CPNE4: variants seen among roughly 807,000 people sequenced by gnomAD.
CPNE4 encodes the protein copine 4, also known as copine-4.
In CPNE4, 25 loss-of-function variants were observed where a neutral mutation model predicts 67.9. The observed-to-expected ratio is 0.37, with a 90% CI of 0.27 to 0.51. The LOEUF is 0.51. Among genes scored for constraint, CPNE4 ranks in the 20% least tolerant of loss-of-function variants. CPNE4 has a pLI of 0.93. For synonymous variants in CPNE4, 242 were observed against 244.9 expected (o/e 0.99, Z 0.11); for missense variants, 464 against 690.8 (o/e 0.67, Z 3.68).
chr3:131,891,045 G>T (rs1560547773), intron 2 of CPNE4, among the ~76,000 whole-genome samples: 1 of 152,078 alleles, frequency 6.6e-6, no homozygotes, highest in Non-Finnish European at 1.5e-5. Flanking sequence ...ATAAGGTATT[G>T]TGTACTTAAA....
chr3:131,878,481 A>G (rs1415773928), intron 2 of CPNE4, among the ~76,000 whole-genome samples: 1 of 152,206 alleles, frequency 6.6e-6, no homozygotes, highest in Non-Finnish European at 1.5e-5. Flanking sequence ...GGGGCAGTAA[A>G]CAGAAGAGGC....
At chr3:131,659,570 C>T (rs1349438451) in intron 7 of CPNE4, among the ~76,000 whole-genome samples, 1 of 152,154 alleles carries the variant, frequency 6.6e-6, no homozygotes, top group Non-Finnish European at 1.5e-5. Context: ...TAGTTTTAGA[C>T]TTGCAAAGTG....
chr3:131,870,988 G>A (rs1311480317), intron 2 of CPNE4, among the ~76,000 whole-genome samples: 2 of 152,140 alleles, frequency 1.3e-5, no homozygotes, highest in African/African-American at 2.4e-5. Context: ...GTGATAAGGG[G>A]TGGGGAAAGA....
chr3:131,708,997 C>CATACACACATA (rs2081492789), intron 3 of CPNE4, among the ~76,000 whole-genome samples: 1 of 39,628 alleles, frequency 2.5e-5, no homozygotes, highest in Non-Finnish European at 5.3e-5. Context: ...TATATATATA[C>CATACACACATA]ATACACACAT....
intron 7 of CPNE4, among the ~76,000 whole-genome samples, chr3:131,623,445 G>T (rs1211971112): frequency 1.3e-5 from 2 of 152,078 alleles, no homozygotes; most frequent in African/African-American, 4.8e-5. Flanking sequence ...CCTCTTGCTG[G>T]GCTAGGAGCT....
chr3:131,702,307 CACTGT>C (rs2081320551), intron 3 of CPNE4, among the ~76,000 whole-genome samples: 1 of 152,158 alleles, frequency 6.6e-6, no homozygotes, highest in African/African-American at 2.4e-5. Context: ...ATTTGGCCCC[CACTGT>C]ATGCTAGACT....
At chr3:131,677,638 TC>T (rs1263934384) in intron 6 of CPNE4, among the ~76,000 whole-genome samples, 9 of 152,164 alleles carry the variant, frequency 5.9e-5, no homozygotes, top group African/African-American at 1.7e-4. Flanking sequence ...CCAGTTTCAA[TC>T]TTCTGCATAT....
chr3:131,734,724 G>A (rs2082198187), intron 2 of CPNE4, among the ~76,000 whole-genome samples: 1 of 151,912 alleles, frequency 6.6e-6, no homozygotes, highest in African/African-American at 2.4e-5. Flanking sequence ...GTCTCTACTA[G>A]AAACACAATA....
intron 5 of CPNE4, among the ~76,000 whole-genome samples, chr3:131,689,929 G>A (rs937579011): frequency 6.6e-6 from 1 of 151,672 alleles, no homozygotes; most frequent in Non-Finnish European, 1.5e-5. Context: ...CATCAAGAAC[G>A]ACCCCATTTA....
intron 1 of CPNE4, among the ~76,000 whole-genome samples, chr3:131,919,893 A>T (rs957802907): frequency 2.6e-5 from 4 of 152,222 alleles, no homozygotes; most frequent in African/African-American, 9.6e-5. Flanking sequence ...ACAAAATTTA[A>T]TTAAAAGAAA....
intron 7 of CPNE4, among the ~76,000 whole-genome samples, chr3:131,611,860 C>A (rs1025615711): frequency 6.6e-6 from 1 of 152,048 alleles, no homozygotes; most frequent in African/African-American, 2.4e-5. Context: ...TAAACTTCAC[C>A]ATGAGCAAGG....
rs759688830 is a variant in CPNE4, at chr3:131,685,918, C to T, written c.548G>A (p.Arg183His). 6.2e-6 allele frequency: 10 copies of T among 1,613,062 alleles called. No homozygotes were observed. The highest frequency in any genetic ancestry group is 3.3e-5 in the Admixed American group (2 of 59,958). Residue 183 changes from arginine (R) to histidine (H), a missense_variant, in exon 6 of 16, where the codon CGT becomes CAT. Arg to His is a conservative substitution (Grantham distance 29). Coordinates refer to ENST00000429747, the MANE Select transcript of CPNE4 (RefSeq NM_130808.3). ...SKSDPFLEIFRMNDDATQQLV... is the reference protein window; with the variant it reads ...SKSDPFLEIFHMNDDATQQLV... ...CTGCTGAGTTGCATCATCATTCATA[C>T]GAAAAATTTCCAGAAATGGGTCAGA...
At chr3:131,755,264 A>C (rs1456074338) in intron 2 of CPNE4, among the ~76,000 whole-genome samples, 1 of 151,784 alleles carries the variant, frequency 6.6e-6, no homozygotes, top group Non-Finnish European at 1.5e-5. Context: ...CTGTGAGTAC[A>C]TAATCTGCTA....
chr3:131,891,393 C>T (rs942145001), intron 2 of CPNE4, among the ~76,000 whole-genome samples: 1 of 151,654 alleles, frequency 6.6e-6, no homozygotes. Context: ...CAGGTGTATA[C>T]ATTAATCAAA....
chr3:131,639,128 C>A (rs2079472456), intron 7 of CPNE4, among the ~76,000 whole-genome samples: 1 of 151,926 alleles, frequency 6.6e-6, no homozygotes, highest in South Asian at 2.1e-4. Flanking sequence ...CAATCGAAAT[C>A]CAAACCCAGC....
At chr3:131,659,731 A>T (rs1218429293) in intron 7 of CPNE4, among the ~76,000 whole-genome samples, 1 of 152,144 alleles carries the variant, frequency 6.6e-6, no homozygotes, top group Non-Finnish European at 1.5e-5. Flanking sequence ...GAAGGACTGT[A>T]CCCTTTGCAT....
At chr3:131,733,451 G>A (rs2082170566) in intron 2 of CPNE4, among the ~76,000 whole-genome samples, 1 of 152,188 alleles carries the variant, frequency 6.6e-6, no homozygotes, top group African/African-American at 2.4e-5. Flanking sequence ...AAATCAAAAT[G>A]TTCCAGGCCA....
At chr3:131,868,132 G>A (rs2087037061) in intron 2 of CPNE4, among the ~76,000 whole-genome samples, 1 of 152,142 alleles carries the variant, frequency 6.6e-6, no homozygotes, top group African/African-American at 2.4e-5. Flanking sequence ...TTCAGATGAT[G>A]GAGGTAGCAA....
chr3:131,939,939 CA>C (rs1219303109), intron 1 of CPNE4, among the ~76,000 whole-genome samples: 1 of 152,018 alleles, frequency 6.6e-6, no homozygotes, highest in Non-Finnish European at 1.5e-5. Context: ...GAACTGAGCA[CA>C]AAGAGTTGGA....
Sources: gnomAD v4.1 joint callset for allele counts (sites outside exome capture counted in the v4.1 genomes callset) on GRCh38, gnomAD v4.1.1 for gene constraint, MANE v1.5 for transcripts, NCBI Gene and HGNC (gene_info 2026-07-23, HGNC 2026-07-21) for gene names.